Variants in CNTN4 observed in about 807,000 individuals in gnomAD.
CNTN4 encodes contactin-4.
CNTN4 carries 77 observed loss-of-function variants against 122.5 expected under a neutral mutation model. The ratio of observed to expected loss-of-function variants is 0.63; its 90% confidence interval spans 0.52 to 0.76. The LOEUF (loss-of-function observed/expected upper bound fraction) is 0.76. Ranked by LOEUF, CNTN4 falls within the 30% of genes least tolerant of loss-of-function variation. The pLI, the probability that CNTN4 is intolerant of heterozygous loss-of-function variation, is 0.00. For missense variants in CNTN4, 1,256 were observed against 1,259.1 expected (o/e 1.00, Z 0.04); for synonymous variants, 512 against 447.0 (o/e 1.15, Z -1.83).
At chr3:2,719,022 T>G (rs1189670787) in intron 4 of CNTN4, among the ~76,000 whole-genome samples, 1 of 152,172 alleles carries the variant, frequency 6.6e-6, no homozygotes, top group Non-Finnish European at 1.5e-5. Flanking sequence ...GATTAAGAAC[T>G]ACTGGACTAG....
At chr3:2,711,759 T>G (rs1414184270) in intron 4 of CNTN4, among the ~76,000 whole-genome samples, 1 of 152,180 alleles carries the variant, frequency 6.6e-6, no homozygotes, top group African/African-American at 2.4e-5. Flanking sequence ...ATACTCATAG[T>G]AAAATTAGAA....
chr3:2,814,741 G>C (rs1355435043), intron 6 of CNTN4, among the ~76,000 whole-genome samples: 2 of 152,190 alleles, frequency 1.3e-5, no homozygotes, highest in Non-Finnish European at 2.9e-5. Context: ...ACTTTGGAGA[G>C]AGACAAAACA....
intron 4 of CNTN4, among the ~76,000 whole-genome samples, chr3:2,627,652 C>T (rs2082252856): frequency 4.6e-5 from 7 of 151,956 alleles, no homozygotes; most frequent in Admixed American, 3.9e-4. Flanking sequence ...CGCCACCACG[C>T]CTGGCTAATT....
At chr3:2,278,212 A>ATTTTCT (rs1219593025) in intron 2 of CNTN4, among the ~76,000 whole-genome samples, 3 of 152,252 alleles carry the variant, frequency 2.0e-5, no homozygotes, top group Middle Eastern at 3.2e-3. Flanking sequence ...AAAAGCGTAT[A>ATTTTCT]ATCAATGAAG....
chr3:2,562,181 A>G (rs1025809178), intron 3 of CNTN4, among the ~76,000 whole-genome samples: 3 of 152,200 alleles, frequency 2.0e-5, no homozygotes, highest in African/African-American at 4.8e-5. Context: ...ATTTGGGAGA[A>G]ATTCAACAGA....
chr3:3,035,897 G>T (rs953599409), intron 17 of CNTN4, among the ~76,000 whole-genome samples: 2 of 150,580 alleles, frequency 1.3e-5, no homozygotes, highest in African/African-American at 4.9e-5. Flanking sequence ...AAAGACATGA[G>T]ATTTCTTTTT....
intron 3 of CNTN4, among the ~76,000 whole-genome samples, chr3:2,473,231 C>CAAAAA (rs769320613): frequency 1.9e-5 from 1 of 51,404 alleles, no homozygotes; most frequent in Non-Finnish European, 3.2e-5. Context: ...AACTCCATCT[C>CAAAAA]AAAAAAAAAA....
At chr3:2,455,499 C>A (rs2048966381) in intron 3 of CNTN4, among the ~76,000 whole-genome samples, 1 of 151,770 alleles carries the variant, frequency 6.6e-6, no homozygotes, top group Non-Finnish European at 1.5e-5. Flanking sequence ...AGGGGAGACA[C>A]CTTTGCTTCT....
chr3:2,937,362 C>T (rs947623060), intron 13 of CNTN4, among the ~76,000 whole-genome samples: 1 of 152,082 alleles, frequency 6.6e-6, no homozygotes, highest in Non-Finnish European at 1.5e-5. Flanking sequence ...CCCAAGGGAG[C>T]TTTAAATGTG....
chr3:2,957,411 T>A (rs2094811533), intron 13 of CNTN4, among the ~76,000 whole-genome samples: 1 of 152,178 alleles, frequency 6.6e-6, no homozygotes, highest in Non-Finnish European at 1.5e-5. Flanking sequence ...CCTTTTCATA[T>A]GCCTTTGGCC....
chr3:2,808,873 T>C (rs2092536298), intron 6 of CNTN4, among the ~76,000 whole-genome samples: 1 of 152,210 alleles, frequency 6.6e-6, no homozygotes, highest in Non-Finnish European at 1.5e-5. Flanking sequence ...CAAAGGTCCT[T>C]TGTAGCCAAG....
At chr3:2,683,373 A>T (rs1323701604) in intron 4 of CNTN4, among the ~76,000 whole-genome samples, 2 of 151,890 alleles carry the variant, frequency 1.3e-5, no homozygotes, top group Admixed American at 1.3e-4. Context: ...TAGTCTCAGC[A>T]GCTTTTATCG....
At chr3:2,629,859 C>A (rs1158411460) in intron 4 of CNTN4, among the ~76,000 whole-genome samples, 1 of 152,050 alleles carries the variant, frequency 6.6e-6, no homozygotes, top group Non-Finnish European at 1.5e-5. Flanking sequence ...AGTATTAATC[C>A]ATGGACATTT....
chr3:2,668,661 G>A (rs1453884478), intron 4 of CNTN4, among the ~76,000 whole-genome samples: 1 of 152,138 alleles, frequency 6.6e-6, no homozygotes, highest in East Asian at 1.9e-4. Flanking sequence ...GGGCATCCCT[G>A]TCTTGTGCCA....
At chr3:2,538,571 T>C (rs1176866636) in intron 3 of CNTN4, among the ~76,000 whole-genome samples, 6 of 152,076 alleles carry the variant, frequency 3.9e-5, no homozygotes, top group Non-Finnish European at 7.4e-5. Context: ...GTCTCTAATT[T>C]GTATTAATAG....
rs375903670 is a variant in CNTN4, at chr3:2,816,270, C to T, written c.359-3216C>T. Among the ~76,000 whole-genome samples the T allele has an allele frequency of 1.1e-4, 17 of 148,014 alleles. 1 individual carries two copies. In the East Asian group the frequency reaches 1.4e-3, roughly 12 times the overall value. On this transcript the variant is annotated intron_variant, in intron 6 of 24. Coordinates refer to ENST00000418658, the MANE Select transcript of CNTN4 (RefSeq NM_175607.3). Reference sequence around the variant, plus strand: ...TCGGGAGGCTGAGGCAGGAGAATGGCGTGAACCCAGGAGGCAGAGCTTGCA... The same window carrying T: ...TCGGGAGGCTGAGGCAGGAGAATGGTGTGAACCCAGGAGGCAGAGCTTGCA...
chr3:2,360,049 G>C (rs2045058057), intron 3 of CNTN4, among the ~76,000 whole-genome samples: 1 of 152,226 alleles, frequency 6.6e-6, no homozygotes, highest in Non-Finnish European at 1.5e-5. Flanking sequence ...TTATCTGCCA[G>C]ATCTTCTCAT....
chr3:2,961,231 C>CAAAAAAAAAAAAAA (rs59790353), intron 13 of CNTN4, among the ~76,000 whole-genome samples: 3,006 of 36,762 alleles, frequency 0.082, 229 homozygotes, highest in East Asian at 0.13. Context: ...CTCCATCTCA[C>CAAAAAAAAAAAAAA]AAAAAAAAAA....
intron 6 of CNTN4, among the ~76,000 whole-genome samples, chr3:2,786,709 A>C (rs1403550377): frequency 6.6e-6 from 1 of 152,352 alleles, no homozygotes; most frequent in South Asian, 2.1e-4. Context: ...AAAAGCTTCT[A>C]CTGGAGCCAA....
Sources: allele counts gnomAD v4.1 joint callset (sites outside exome capture counted in the v4.1 genomes callset), GRCh38; gene constraint gnomAD v4.1.1; transcripts MANE v1.5; gene names NCBI Gene and HGNC (gene_info 2026-07-23, HGNC 2026-07-21).